The following HMGA2 variants were observed in gnomAD, a reference collection of about 807,000 sequenced individuals.
HMGA2 encodes high mobility group AT-hook 2.
In HMGA2, 8 loss-of-function variants were observed where a neutral mutation model predicts 19.1. The observed-to-expected ratio is 0.42, with a 90% confidence interval of 0.25 to 0.76. The LOEUF is 0.76. Ranked by LOEUF, HMGA2 falls within the 30% of genes least tolerant of loss-of-function variation. HMGA2 has a pLI of 0.28. For synonymous variants in HMGA2, 60 were observed against 48.8 expected (o/e 1.23, Z -0.96); for missense variants, 109 against 136.3 (o/e 0.80, Z 1.00).
chr12:65,938,223 G>T (rs1457027632), intron 3 of HMGA2, among the ~76,000 whole-genome samples: 1 of 152,196 alleles, frequency 6.6e-6, no homozygotes, highest in African/African-American at 2.4e-5. Context: ...CAGAAAGAAA[G>T]AATCTGAAGC....
chr12:65,936,902 C>G (rs1230818219), intron 3 of HMGA2, among the ~76,000 whole-genome samples: 4 of 152,122 alleles, frequency 2.6e-5, no homozygotes, highest in Non-Finnish European at 4.4e-5. Context: ...GTTCTTCCCC[C>G]ACTATCTTGA....
rs1406830032 is a variant in HMGA2, at chr12:65,965,247, G to A, written c.*1955G>A. 4.9e-6 allele frequency: 1 copy of A among 202,258 alleles called. No homozygotes were observed. Among genetic ancestry groups the A allele is most frequent in the African/African-American group, 2.3e-5 (1 of 43,570 alleles). The allele number at this position is 202,258 out of a possible 1,614,324, so 12.5% of individuals were successfully genotyped here. A position where few individuals can be genotyped will look rare whatever the true frequency, so the allele number is the denominator to read the frequency against. On this transcript the variant is annotated 3_prime_UTR_variant, in exon 5 of 5. Transcript: ENST00000403681. The stretch of plus-strand genomic sequence containing the variant: ...TGTTTTTAAGATTAGTTGAATATAA[G>A]AAAATGCTTGACAAATATTTTCATG...
At chr12:65,955,605 A>C (rs917626047) in intron 4 of HMGA2, 6 of 152,188 alleles carry the variant, frequency 3.9e-5, no homozygotes, top group Non-Finnish European at 7.3e-5. Context: ...CACTTTCCCC[A>C]TTGTTGTACA....
intron 3 of HMGA2, among the ~76,000 whole-genome samples, chr12:65,922,327 G>A (rs780512747): frequency 1.2e-4 from 18 of 152,284 alleles, no homozygotes; most frequent in Admixed American, 6.5e-4. Context: ...GCCTAAGACC[G>A]TAGGAACCAA....
At chr12:65,838,450 G>T in intron 2 of HMGA2, 69 bp from the exon 3 acceptor site, 1 of 1,130,444 alleles carries the variant, frequency 8.8e-7, no homozygotes. Flanking sequence ...CTTCAAATGT[G>T]TCCCTTGGTG....
intron 3 of HMGA2, among the ~76,000 whole-genome samples, chr12:65,903,252 G>T (rs1874447353): frequency 1.3e-5 from 2 of 152,122 alleles, no homozygotes; most frequent in African/African-American, 2.4e-5. Context: ...TGATTGAAAA[G>T]ACTGAAACTT....
intron 3 of HMGA2, chr12:65,842,526 T>G (rs1335294146): frequency 8.1e-7 from 1 of 1,229,590 alleles, no homozygotes; most frequent in African/African-American, 1.5e-5. Flanking sequence ...TGCTGAATAT[T>G]AATCAAGTTT....
intron 3 of HMGA2, chr12:65,914,966 T>A: frequency 6.4e-7 from 1 of 1,552,390 alleles, no homozygotes; most frequent in South Asian, 1.1e-5. Flanking sequence ...TGAGCCATCG[T>A]GCCTGGTCTA....
chr12:65,826,027 C>G (rs1212309586), intron 1 of HMGA2: 1 of 152,270 alleles, frequency 6.6e-6, no homozygotes, highest in Non-Finnish European at 1.5e-5. Context: ...GGAGGGAGCC[C>G]GGGGCAGGGG....
At chr12:65,855,879 C>A (rs1471241011) in intron 3 of HMGA2, 1 of 150,492 alleles carries the variant, frequency 6.6e-6, no homozygotes, top group Non-Finnish European at 1.5e-5. Flanking sequence ...ATACAAAGAG[C>A]TGTTTTTTCT....
chr12:65,918,194 G>T (rs1277931401), intron 3 of HMGA2, among the ~76,000 whole-genome samples: 1 of 152,188 alleles, frequency 6.6e-6, no homozygotes, highest in East Asian at 1.9e-4. Flanking sequence ...GGGTCAAAAT[G>T]ATTTGAAATA....
chr12:65,927,565 A>G (rs1875550889), intron 3 of HMGA2, among the ~76,000 whole-genome samples: 1 of 152,198 alleles, frequency 6.6e-6, no homozygotes, highest in South Asian at 2.1e-4. Context: ...ACAAATTATC[A>G]CAGTGATCTC....
At chr12:65,931,829 C>T (rs1374116885) in intron 3 of HMGA2, among the ~76,000 whole-genome samples, 1 of 152,088 alleles carries the variant, frequency 6.6e-6, no homozygotes, top group Non-Finnish European at 1.5e-5. Context: ...AAGAGGATCA[C>T]TTAAGCCTAG....
chr12:65,825,417 C>G lies in HMGA2; in HGVS notation c.111+36C>G. 2 of 1,418,748 alleles carry G rather than the reference C, an allele frequency of 1.4e-6. No individual in the cohort carries two copies. Among genetic ancestry groups the G allele is most frequent in the East Asian group, 5.8e-5 (2 of 34,298 alleles). 87.9% of individuals were successfully genotyped at this position (1,418,748 alleles called of 1,614,324 possible). ...GGGCGCGGTGGGGGCACCAGCCCAC[C>G]CCGTCCCCACTGCCGGGGCCCAGAC... On this transcript the variant is annotated intron_variant, in intron 1 of 4. Coordinates refer to ENST00000403681, the MANE Select transcript of HMGA2 (RefSeq NM_003483.6). This position sits in a 1 kb window ranked among gnomAD's most constrained non-coding sequence, Gnocchi z 4.4.
chr12:65,932,296 A>G (rs1364401387), intron 3 of HMGA2, among the ~76,000 whole-genome samples: 1 of 152,244 alleles, frequency 6.6e-6, no homozygotes, highest in Non-Finnish European at 1.5e-5. Flanking sequence ...GCCAATGTGC[A>G]TGATATGTGT....
intron 3 of HMGA2, chr12:65,881,613 C>A (rs1241451733): frequency 9.2e-6 from 6 of 653,352 alleles, no homozygotes; most frequent in Non-Finnish European, 1.1e-5. Flanking sequence ...TGTCCTGGAC[C>A]CAGAGGGAGC....
At chr12:65,848,849 C>G (rs1871337794) in intron 3 of HMGA2, among the ~76,000 whole-genome samples, 1 of 151,578 alleles carries the variant, frequency 6.6e-6, no homozygotes, top group African/African-American at 2.4e-5. Flanking sequence ...GGCGACAGAG[C>G]GAGACTCCGT....
chr12:65,938,507 A>G (rs937336514), intron 3 of HMGA2, among the ~76,000 whole-genome samples: 1 of 152,146 alleles, frequency 6.6e-6, no homozygotes, highest in Admixed American at 6.6e-5. Flanking sequence ...ATTATATTTA[A>G]TATGTCTTTT....
intron 2 of HMGA2, among the ~76,000 whole-genome samples, chr12:65,836,921 A>G (rs1870756356): frequency 6.6e-6 from 1 of 152,166 alleles, no homozygotes; most frequent in Admixed American, 6.5e-5. Context: ...AAATGCTTGT[A>G]TACTACCGGG....
Sources: allele counts gnomAD v4.1 joint callset (sites outside exome capture counted in the v4.1 genomes callset), GRCh38; gene constraint gnomAD v4.1.1; non-coding constraint Gnocchi (gnomAD v3.1); transcripts MANE v1.5; gene names NCBI Gene and HGNC (gene_info 2026-07-23, HGNC 2026-07-21).